Variants in GABRB1 observed in about 807,000 individuals in gnomAD.
GABRB1 encodes the protein gamma-aminobutyric acid type A receptor subunit beta1, also known as gamma-aminobutyric acid receptor subunit beta-1.
In GABRB1, 17 loss-of-function variants were observed where a neutral mutation model predicts 51.6. The observed-to-expected ratio is 0.33, with a 90% CI of 0.23 to 0.49. GABRB1 has a LOEUF of 0.49. Among genes scored for constraint, GABRB1 ranks in the 20% least tolerant of loss-of-function variants. The pLI, the probability that GABRB1 is intolerant of heterozygous loss-of-function variation, is 0.99. For missense variants in GABRB1, 410 were observed against 600.6 expected (o/e 0.68, Z 3.32); for synonymous variants, 247 against 218.9 (o/e 1.13, Z -1.14).
At chr4:47,235,475 G>C (rs543155377) in intron 4 of GABRB1, among the ~76,000 whole-genome samples, 1 of 151,942 alleles carries the variant, frequency 6.6e-6, no homozygotes, top group Non-Finnish European at 1.5e-5. Context: ...CTTGAACCAG[G>C]GAGTCAGACG....
At chr4:47,269,969 C>CACACACACAA (rs1722796065) in intron 4 of GABRB1, among the ~76,000 whole-genome samples, 2 of 151,852 alleles carry the variant, frequency 1.3e-5, no homozygotes, top group Non-Finnish European at 2.9e-5. Context: ...CACACACACA[C>CACACACACAA]ACACACAGGC....
chr4:47,209,551 T>C (rs978875933), intron 4 of GABRB1, among the ~76,000 whole-genome samples: 1 of 152,162 alleles, frequency 6.6e-6, no homozygotes, highest in African/African-American at 2.4e-5. Context: ...ACTCTCTTGG[T>C]GTTCATTGCA....
chr4:47,322,425 A>T (rs137869518), intron 5 of GABRB1, among the ~76,000 whole-genome samples: 2 of 152,372 alleles, frequency 1.3e-5, no homozygotes, highest in African/African-American at 4.8e-5. Context: ...TTGGATAATG[A>T]GGAGTCTACA....
intron 5 of GABRB1, among the ~76,000 whole-genome samples, chr4:47,376,345 C>A (rs553769961): frequency 1.3e-5 from 2 of 152,124 alleles, no homozygotes; most frequent in African/African-American, 4.8e-5. Context: ...GAGGATCTGG[C>A]GGTTAAGAAG....
chr4:47,238,610 G>A (rs1721412793), intron 4 of GABRB1, among the ~76,000 whole-genome samples: 1 of 152,130 alleles, frequency 6.6e-6, no homozygotes, highest in African/African-American at 2.4e-5. Context: ...TAGCTCCACT[G>A]CAGGGAGCAT....
intron 4 of GABRB1, among the ~76,000 whole-genome samples, chr4:47,179,505 C>G (rs1718856178): frequency 6.6e-6 from 1 of 151,988 alleles, no homozygotes; most frequent in South Asian, 2.1e-4. Context: ...CAGCACTTTT[C>G]ACAATAGCAA....
chr4:47,355,754 A>T (rs1726544298), intron 5 of GABRB1, among the ~76,000 whole-genome samples: 1 of 152,208 alleles, frequency 6.6e-6, no homozygotes, highest in Non-Finnish European at 1.5e-5. Flanking sequence ...GCCCTGAGGG[A>T]ACAATAATTC....
At chr4:47,246,299 TACACACACACACAC>T (rs59187371) in intron 4 of GABRB1, among the ~76,000 whole-genome samples, 1 of 84,170 alleles carries the variant, frequency 1.2e-5, no homozygotes, top group Non-Finnish European at 2.3e-5. Context: ...TATATATATA[TACACACACACACAC>T]ACACACACAC....
chr4:47,059,364 G>T (rs1726752280), intron 3 of GABRB1, among the ~76,000 whole-genome samples: 1 of 152,088 alleles, frequency 6.6e-6, no homozygotes. Flanking sequence ...TTGAGAAGGA[G>T]TCTTGTTACA....
intron 4 of GABRB1, among the ~76,000 whole-genome samples, chr4:47,166,290 T>C (rs1718184951): frequency 6.6e-6 from 1 of 152,010 alleles, no homozygotes; most frequent in South Asian, 2.1e-4. Flanking sequence ...TTACACTGAA[T>C]GTGCCTGCCT....
At chr4:47,166,322 C>T (rs1343078902) in intron 4 of GABRB1, among the ~76,000 whole-genome samples, 3 of 151,978 alleles carry the variant, frequency 2.0e-5, no homozygotes, top group Non-Finnish European at 4.4e-5. Context: ...CTTTCCACCT[C>T]TTCCCTGTCA....
chr4:47,388,047 A>G (rs1158630779), intron 5 of GABRB1, among the ~76,000 whole-genome samples: 1 of 152,216 alleles, frequency 6.6e-6, no homozygotes, highest in East Asian at 1.9e-4. Flanking sequence ...CATATAGCCA[A>G]CACGCATTAT....
intron 5 of GABRB1, among the ~76,000 whole-genome samples, chr4:47,354,195 G>A (rs1360596029): frequency 6.6e-6 from 1 of 152,144 alleles, no homozygotes; most frequent in Non-Finnish European, 1.5e-5. Context: ...CTATTGTCCA[G>A]CATTGACTGG....
At chr4:47,411,964 G>T (rs1383154240) in intron 8 of GABRB1, among the ~76,000 whole-genome samples, 1 of 152,122 alleles carries the variant, frequency 6.6e-6, no homozygotes, top group Non-Finnish European at 1.5e-5. Flanking sequence ...TAGCGAAATT[G>T]AAGGTCATAT....
intron 5 of GABRB1, among the ~76,000 whole-genome samples, chr4:47,402,360 A>AT (rs562865445): frequency 1.4e-4 from 21 of 152,288 alleles, no homozygotes; most frequent in African/African-American, 4.3e-4. Flanking sequence ...GGAAAAAAAG[A>AT]TTTTTTGCTT....
chr4:47,267,593 G>A (rs1722688824), intron 4 of GABRB1, among the ~76,000 whole-genome samples: 3 of 152,002 alleles, frequency 2.0e-5, no homozygotes, highest in South Asian at 4.1e-4. Context: ...TCAGGAGTTC[G>A]AGACAAGCCT....
At chr4:47,111,559 A>T (rs1715210835) in intron 3 of GABRB1, among the ~76,000 whole-genome samples, 2 of 152,102 alleles carry the variant, frequency 1.3e-5, no homozygotes, top group Admixed American at 6.5e-5. Flanking sequence ...TCAAAAATAC[A>T]TCCTTATTAG....
At chr4:47,245,940 T>C (rs1260334869) in intron 4 of GABRB1, among the ~76,000 whole-genome samples, 1 of 151,352 alleles carries the variant, frequency 6.6e-6, no homozygotes, top group Admixed American at 6.6e-5. Context: ...CCATAACTTA[T>C]TGGGGAACAG....
At chr4:47,425,119 C>T (rs1729224937) in intron 8 of GABRB1, among the ~76,000 whole-genome samples, 1 of 152,062 alleles carries the variant, frequency 6.6e-6, no homozygotes, top group African/African-American at 2.4e-5. Context: ...TTCATGTAAG[C>T]TATTAATAAA....
Sources: allele counts gnomAD v4.1 joint callset (sites outside exome capture counted in the v4.1 genomes callset), GRCh38; gene constraint gnomAD v4.1.1; transcripts MANE v1.5; gene names NCBI Gene and HGNC (gene_info 2026-07-23, HGNC 2026-07-21).